DOCK5: variants seen among roughly 807,000 people sequenced by gnomAD.
DOCK5 encodes dedicator of cytokinesis protein 5.
Under a neutral mutation model 251.8 loss-of-function variants are expected in DOCK5, and 142 were observed. The ratio of observed to expected loss-of-function variants is 0.56; its 90% CI spans 0.49 to 0.65. The LOEUF is 0.65. Ranked by LOEUF, DOCK5 falls within the 30% of genes least tolerant of loss-of-function variation. DOCK5 has a pLI of 0.00. For synonymous variants in DOCK5, 842 were observed against 835.5 expected (o/e 1.01, Z -0.13); for missense variants, 2,111 against 2,312.3 (o/e 0.91, Z 1.79).
chr8:25,248,161 A>G (rs761742841), intron 2 of DOCK5, among the ~76,000 whole-genome samples: 3 of 152,056 alleles, frequency 2.0e-5, no homozygotes, highest in Non-Finnish European at 4.4e-5. Flanking sequence ...ATTAGTGTTT[A>G]TTTTCTGGGA....
intron 1 of DOCK5, among the ~76,000 whole-genome samples, chr8:25,226,983 G>A (rs1299841095): frequency 3.3e-5 from 5 of 152,234 alleles, no homozygotes; most frequent in African/African-American, 1.2e-4. Context: ...TCTGTGGGAT[G>A]TGTGTACCAT....
intron 1 of DOCK5, among the ~76,000 whole-genome samples, chr8:25,197,200 G>A (rs184685126): frequency 1.5e-3 from 229 of 152,254 alleles, no homozygotes; most frequent in African/African-American, 5.2e-3. Context: ...GGAATAATGG[G>A]GGTTTTATTG....
rs541233416 is a variant in DOCK5 at position 25,249,702 on chromosome 8, C to G, written c.127+5945C>G. ...CCTGGGCTCAAGGAATCCTCCTACT[C>G]CAGCCTCCCAGGTAGCTGGGACTAT... On this transcript the variant is annotated intron_variant, in intron 2 of 51. Coordinates refer to ENST00000276440, the MANE Select transcript of DOCK5 (RefSeq NM_024940.8). Among the ~76,000 whole-genome samples, 3 of 152,280 alleles carry G rather than the reference C, an allele frequency of 2.0e-5. No homozygotes were observed. The East Asian group carries it at 5.8e-4, about 30-fold the overall frequency.
chr8:25,232,102 T>C (rs1182987834), intron 1 of DOCK5, among the ~76,000 whole-genome samples: 2 of 152,356 alleles, frequency 1.3e-5, no homozygotes, highest in Non-Finnish European at 2.9e-5. Flanking sequence ...TGCATCCTTT[T>C]AAATTAATTA....
chr8:25,298,837 C>A, intron 7 of DOCK5, 107 bp from the exon 8 acceptor site: 1 of 1,279,440 alleles, frequency 7.8e-7, no homozygotes, highest in Non-Finnish European at 1.1e-6. Context: ...CCACTGTGCC[C>A]AGGCTTTGTC....
chr8:25,203,972 C>CGT (rs1801939901), intron 1 of DOCK5, among the ~76,000 whole-genome samples: 1 of 151,940 alleles, frequency 6.6e-6, no homozygotes, highest in South Asian at 2.1e-4. Flanking sequence ...TAAAATGAAA[C>CGT]GTGTTCTTTC....
At chr8:25,254,803 A>AAAC (rs1803375392) in intron 2 of DOCK5, among the ~76,000 whole-genome samples, 1 of 148,538 alleles carries the variant, frequency 6.7e-6, no homozygotes. Context: ...CAAAAAAAAA[A>AAAC]AACATTTGAT....
intron 29 of DOCK5, among the ~76,000 whole-genome samples, chr8:25,363,502 A>G (rs1022591138): frequency 6.6e-6 from 1 of 152,220 alleles, no homozygotes; most frequent in African/African-American, 2.4e-5. Flanking sequence ...GATGTATTTA[A>G]CCAGATTCTT....
At chr8:25,316,059 T>G (rs1304761494) in intron 13 of DOCK5, among the ~76,000 whole-genome samples, 1 of 152,224 alleles carries the variant, frequency 6.6e-6, no homozygotes, top group Non-Finnish European at 1.5e-5. Context: ...ACATTTAATA[T>G]TTTTCTTCAA....
chr8:25,217,243 A>T (rs575764231), intron 1 of DOCK5, among the ~76,000 whole-genome samples: 82 of 150,860 alleles, frequency 5.4e-4, no homozygotes, highest in Non-Finnish European at 8.6e-4. Flanking sequence ...ATATGTATAC[A>T]ATATGTATAT....
In DOCK5 at chr8:25,399,911, G is replaced by T; in HGVS notation, c.4705G>T (p.Ala1569Ser). The change falls in exon 46 of 52, where the codon GCT becomes TCT. Residue 1569 changes from alanine to serine, a missense_variant and splice_region_variant. Physicochemically the swap from Ala to Ser is moderately conservative, Grantham distance 99. This residue lies in a region of DOCK5 where 1,717 missense variants were observed against 1,892.4 expected (regional missense o/e 0.91). Transcript: ENST00000276440. ...VMGGFSNYEK[A>S]FFTEKYLQEH... ...AAAACTTGCATATGCTTTTTTTTAG[G>T]CTTTTTTTACAGAAAAGTACTTGCA... 1 of 1,610,694 alleles carries T rather than the reference G, an allele frequency of 6.2e-7. No individual in the cohort carries two copies. Among genetic ancestry groups the T allele is most frequent in the Non-Finnish European group, 8.5e-7 (1 of 1,178,436 alleles).
chr8:25,340,780 T>C, intron 22 of DOCK5, 97 bp from the exon 23 acceptor site: 2 of 929,258 alleles, frequency 2.2e-6, no homozygotes, highest in Non-Finnish European at 3.3e-6. Flanking sequence ...ATGATTAGGG[T>C]GATACGATGA....
At chr8:25,341,333 A>G (rs1586344048) in intron 23 of DOCK5, among the ~76,000 whole-genome samples, 1 of 152,216 alleles carries the variant, frequency 6.6e-6, no homozygotes, top group Admixed American at 6.5e-5. Flanking sequence ...CCAGAAGTGC[A>G]AAGTCACCAT....
In DOCK5 at chr8:25,299,133, C is replaced by G. The variant is rs755517695; in HGVS notation, c.764+32C>G. The G allele has an allele frequency of 1.9e-5, 31 of 1,604,710 alleles. No individual in the cohort carries two copies. The South Asian group carries it at 3.3e-4, about 17-fold the overall frequency. On this transcript the variant is annotated intron_variant, in intron 8 of 51. Coordinates refer to ENST00000276440, the MANE Select transcript of DOCK5 (RefSeq NM_024940.8). ...GAGACCCACATCCCCTGCTGCTGAC[C>G]TAACAAAGATACCCAGCCTTCCCCT...
chr8:25,310,559 T>G (rs1238848784), intron 13 of DOCK5, 27 bp downstream of exon 13: 25 of 1,586,432 alleles, frequency 1.6e-5, no homozygotes, highest in Non-Finnish European at 2.1e-5. Flanking sequence ...GCTCACCTGT[T>G]TGCTTCCTCC....
chr8:25,363,072 T>C lies in DOCK5; in HGVS notation c.2975T>C (p.Met992Thr), dbSNP rs777862175. ...GACTTCCTCATGGAAACTTTTATCATGTTCAAGGACCTGATTGGAAAGAAT... is the reference window on the plus strand; with the variant it reads ...GACTTCCTCATGGAAACTTTTATCACGTTCAAGGACCTGATTGGAAAGAAT... ...IIDFLMETFI[M>T]FKDLIGKNVY... Residue 992 changes from methionine to threonine, a missense_variant, in exon 29 of 52, where the codon ATG becomes ACG. Physicochemically the swap from Met to Thr is moderately conservative, Grantham distance 81. This residue lies in a region of DOCK5 where 1,717 missense variants were observed against 1,892.4 expected (regional missense o/e 0.91). Coordinates refer to ENST00000276440, the MANE Select transcript of DOCK5 (RefSeq NM_024940.8). The C allele has an allele frequency of 8.7e-6, 14 of 1,613,898 alleles. No homozygotes were observed. In the African/African-American group the frequency reaches 1.2e-4, roughly 14 times the overall value.
intron 1 of DOCK5, among the ~76,000 whole-genome samples, chr8:25,239,303 T>G (rs1802880507): frequency 6.7e-6 from 1 of 149,378 alleles, no homozygotes; most frequent in African/African-American, 2.5e-5. Context: ...AACCGGTCTT[T>G]GGTGTGTGCG....
chr8:25,396,810 G>A (rs1801354801), intron 45 of DOCK5, among the ~76,000 whole-genome samples: 1 of 151,118 alleles, frequency 6.6e-6, no homozygotes, highest in South Asian at 2.1e-4. Context: ...CCCGGGAAGA[G>A]CAGGAGCTTT....
chr8:25,310,959 C>T (rs895854525), intron 13 of DOCK5, among the ~76,000 whole-genome samples: 1 of 152,186 alleles, frequency 6.6e-6, no homozygotes, highest in Admixed American at 6.5e-5. Context: ...TAATTGGCCT[C>T]ATTTGTGTGT....
Sources: allele counts gnomAD v4.1 joint callset (sites outside exome capture counted in the v4.1 genomes callset), GRCh38; gene constraint gnomAD v4.1.1; regional missense constraint gnomAD v4.1.1; transcripts MANE v1.5; gene names NCBI Gene and HGNC (gene_info 2026-07-23, HGNC 2026-07-21).